The following CACNA1S variants were observed in gnomAD, a reference collection of about 807,000 sequenced individuals.
CACNA1S encodes voltage-dependent L-type calcium channel subunit alpha-1S.
In CACNA1S, 126 loss-of-function variants were observed where a neutral mutation model predicts 207.4. The ratio of observed to expected loss-of-function variants is 0.61; its 90% CI spans 0.53 to 0.70. The LOEUF is 0.70. Among genes scored for constraint, CACNA1S ranks in the 30% least tolerant of loss-of-function variants. The probability of loss-of-function intolerance (pLI) is 0.00; values close to 1 mark genes in which losing one functional copy is unlikely to be tolerated. For missense variants in CACNA1S, 2,349 were observed against 2,422.8 expected, an observed-to-expected ratio of 0.97 and a Z score of 0.64; for synonymous variants, 960 against 932.7, an observed-to-expected ratio of 1.03 and a Z score of -0.53.
chr1:201,085,028 T>C lies in CACNA1S; in HGVS notation c.1154A>G (p.Lys385Arg). Residue 385 changes from lysine to arginine, a missense_variant, in exon 9 of 44, where the codon AAA becomes AGA. Physicochemically the swap from Lys to Arg is conservative, Grantham distance 26. Coordinates refer to ENST00000362061, the MANE Select transcript of CACNA1S (RefSeq NM_000069.3). ...AGAGCCACCTTCATCCAAAGACAGTTTTCCTGGAGACAGGAGAGAAAGAGT... is the reference window on the plus strand; with the variant it reads ...AGAGCCACCTTCATCCAAAGACAGTCTTCCTGGAGACAGGAGAGAAAGAGT... ...VMDVEDFREG[K>R]LSLDEGGSDT... is the part of the protein sequence containing the mutation. 6.2e-7 allele frequency: 1 copy of C among 1,609,774 alleles called. No individual in the cohort carries two copies. Among genetic ancestry groups the C allele is most frequent in the Non-Finnish European group, 8.5e-7 (1 of 1,179,274 alleles).
intron 39 of CACNA1S, 83 bp from the exon 40 acceptor site, chr1:201,043,614 G>C: frequency 7.9e-7 from 1 of 1,258,466 alleles, no homozygotes; most frequent in Non-Finnish European, 1.2e-6. Context: ...GTGGTATTGG[G>C]AACAAGCAAT....
At chr1:201,056,088 C>CACACAT (rs1474965532) in intron 28 of CACNA1S, among the ~76,000 whole-genome samples, 3 of 151,958 alleles carry the variant, frequency 2.0e-5, no homozygotes, top group East Asian at 3.9e-4. Flanking sequence ...CACACACACA[C>CACACAT]ACACACACAC....
chr1:201,083,316 A>G lies in CACNA1S; in HGVS notation c.1239T>C (p.His413=), dbSNP rs762629952. 16 of 1,614,164 alleles carry G rather than the reference A, an allele frequency of 9.9e-6. No homozygotes were observed. The highest frequency in any genetic ancestry group is 1.4e-5 in the Non-Finnish European group (16 of 1,179,976). Residue 413 remains histidine, a synonymous_variant, in exon 10 of 44, where the codon CAT becomes CAC. Coordinates refer to ENST00000362061, the MANE Select transcript of CACNA1S (RefSeq NM_000069.3). ...GLNKIIQFIR[H]WRQWNRIFRW... The stretch of plus-strand genomic sequence containing the variant: ...GAAAGATGCGGTTCCACTGCCTCCA[A>G]TGTCGGCTGAGGGAGGGGACAGAGG...
rs1660696203 is a variant in CACNA1S at position 201,052,661 on chromosome 1, A to G, written c.3862-13T>C. 6.2e-7 allele frequency: 1 copy of G among 1,605,922 alleles called. No individual in the cohort carries two copies. Among genetic ancestry groups the G allele is most frequent in the African/African-American group, 1.3e-5 (1 of 74,800 alleles). Reference sequence around the variant, plus strand: ...TCTTCCCAAACATCTGCAAGTCACAAAGGGCCCTGACTGTGGAACCTAGAT... The same window carrying G: ...TCTTCCCAAACATCTGCAAGTCACAGAGGGCCCTGACTGTGGAACCTAGAT... On this transcript the variant is annotated splice_polypyrimidine_tract_variant and intron_variant, in intron 31 of 43. Coordinates refer to ENST00000362061, the MANE Select transcript of CACNA1S (RefSeq NM_000069.3).
chr1:201,060,064 G>A (rs1660987029), intron 26 of CACNA1S, among the ~76,000 whole-genome samples: 1 of 152,168 alleles, frequency 6.6e-6, no homozygotes, highest in South Asian at 2.1e-4. Context: ...TGGGCCTCCT[G>A]GCTCAGTGAT....
Position 201,112,172 on chromosome 1 carries a change from G to T in CACNA1S, c.152+16C>A. The T allele has an allele frequency of 6.2e-7, 1 of 1,606,556 alleles. No individual in the cohort carries two copies. Among genetic ancestry groups the T allele is most frequent in the Non-Finnish European group, 8.5e-7 (1 of 1,174,396 alleles). On this transcript the variant is annotated intron_variant, in intron 1 of 43. Transcript: ENST00000362061. ...TGACGCACACCCCCCCCCACGGCCC[G>T]GGCCCTGAAGGATACTTCCATTCTA... is the stretch of plus-strand genomic sequence containing the variant.
intron 22 of CACNA1S, 64 bp from the exon 23 acceptor site, chr1:201,062,578 G>C: frequency 6.6e-7 from 1 of 1,510,032 alleles, no homozygotes; most frequent in South Asian, 1.1e-5. Flanking sequence ...ATAGAAAAGT[G>C]GGCTCTGGGA....
intron 23 of CACNA1S, 122 bp downstream of exon 23, chr1:201,062,340 G>T (rs1661078877): frequency 1.8e-6 from 2 of 1,088,048 alleles, no homozygotes; most frequent in South Asian, 1.3e-5. Flanking sequence ...CCTGCCCTGT[G>T]ATCGTCCTGC....
intron 2 of CACNA1S, among the ~76,000 whole-genome samples, chr1:201,098,425 G>T (rs1662517582): frequency 6.6e-6 from 1 of 152,070 alleles, no homozygotes; most frequent in Non-Finnish European, 1.5e-5. Flanking sequence ...ATCCCAGCTG[G>T]CACACACACA....
chr1:201,089,611 A>G, intron 5 of CACNA1S, 148 bp from the exon 6 acceptor site: 3 of 781,518 alleles, frequency 3.8e-6, no homozygotes, highest in Non-Finnish European at 4.3e-6. Flanking sequence ...CACATGGAGC[A>G]GACGGTGACA....
chr1:201,083,206 G>A lies in CACNA1S; in HGVS notation c.1349C>T (p.Ala450Val), dbSNP rs1168071610. 2 of 1,614,084 alleles carry A rather than the reference G, an allele frequency of 1.2e-6. No individual in the cohort carries two copies. The highest frequency in any genetic ancestry group is 1.6e-4 in the Middle Eastern group (1 of 6,084). Residue 450 changes from alanine (A) to valine (V), a missense_variant, in exon 10 of 44, where the codon GCC becomes GTC. Ala to Val is a moderately conservative substitution (Grantham distance 64). Transcript: ENST00000362061. ...LIVALNTLSIASEHHNQPLWL... is the reference protein window; with the variant it reads ...LIVALNTLSIVSEHHNQPLWL... ...GAGAGGCTGGTTGTGGTGCTCTGAG[G>A]CGATAGACAGGGTGTTGAGGGCAAC... is the stretch of plus-strand genomic sequence containing the variant.
intron 34 of CACNA1S, among the ~76,000 whole-genome samples, chr1:201,049,717 T>C (rs571353720): frequency 6.6e-6 from 1 of 152,290 alleles, no homozygotes; most frequent in Non-Finnish European, 1.5e-5. Context: ...GAGGGCTGAA[T>C]GAGGACCTGT....
chr1:201,077,260 A>G lies in CACNA1S; in HGVS notation c.1620-133T>C, dbSNP rs6672094. 0.81 allele frequency: 595,581 copies of G among 731,600 alleles called. 243,614 individuals carry two copies. The highest frequency in any genetic ancestry group is 0.96 in the East Asian group (35,780 of 37,108). The allele number at this position is 731,600 out of a possible 1,614,324, so 45.3% of individuals were successfully genotyped here. A position where few individuals can be genotyped will look rare whatever the true frequency, so the allele number is the denominator to read the frequency against. ...GAGGGGGCTGCCTCACTGCTGGAAGACCCTGGATTCATGGCTGCATGCCCA... is the reference window on the plus strand; with the variant it reads ...GAGGGGGCTGCCTCACTGCTGGAAGGCCCTGGATTCATGGCTGCATGCCCA... On this transcript the variant is annotated intron_variant, in intron 11 of 43. Transcript: ENST00000362061.
At chr1:201,051,164 C>G (rs764360491) in intron 32 of CACNA1S, 21 bp from the exon 33 acceptor site, 15 of 1,613,934 alleles carry the variant, frequency 9.3e-6, no homozygotes, top group Non-Finnish European at 9.3e-6. Flanking sequence ...GAAGAGGCTC[C>G]TGTCACCTAT....
intron 2 of CACNA1S, among the ~76,000 whole-genome samples, chr1:201,094,896 T>TC (rs1446333342): frequency 6.6e-5 from 10 of 151,896 alleles, no homozygotes; most frequent in Middle Eastern, 3.4e-3. Flanking sequence ...CCATCACCTT[T>TC]CCCCCTCTTC....
rs181584859 is a variant in CACNA1S, at chr1:201,112,150, C to T, written c.152+38G>A. 6.4e-4 allele frequency: 1,017 copies of T among 1,583,082 alleles called. 4 individuals carry two copies. The African/African-American group carries it at 7.5e-3, about 12-fold the overall frequency. ...ATCACCCCGAATCCCTCCCTCATGA[C>T]GCACACCCCCCCCCACGGCCCGGGC... is the stretch of plus-strand genomic sequence containing the variant. On this transcript the variant is annotated intron_variant, in intron 1 of 43. Transcript: ENST00000362061.
At chr1:201,104,835 G>A (rs1191278231) in intron 2 of CACNA1S, among the ~76,000 whole-genome samples, 1 of 152,192 alleles carries the variant, frequency 6.6e-6, no homozygotes, top group Non-Finnish European at 1.5e-5. Context: ...GGCTGGAATG[G>A]TAACCCTGCC....
chr1:201,064,444 T>C (rs535636260), intron 22 of CACNA1S, among the ~76,000 whole-genome samples: 1 of 152,376 alleles, frequency 6.6e-6, no homozygotes, highest in South Asian at 2.1e-4. Context: ...TCTCAGAGCC[T>C]GTTCCCTGCC....
intron 5 of CACNA1S, among the ~76,000 whole-genome samples, chr1:201,090,469 G>A (rs1662184206): frequency 1.3e-5 from 2 of 152,174 alleles, no homozygotes; most frequent in African/African-American, 4.8e-5. Context: ...GTTGGGTTTA[G>A]GACTGGTGTT....
Sources: allele counts gnomAD v4.1 joint callset (sites outside exome capture counted in the v4.1 genomes callset), GRCh38; gene constraint gnomAD v4.1.1; transcripts MANE v1.5; gene names NCBI Gene and HGNC (gene_info 2026-07-23, HGNC 2026-07-21).